PCDHA4: variants seen among roughly 807,000 people sequenced by gnomAD.
PCDHA4 encodes protocadherin alpha-4.
Under a neutral mutation model 61.4 loss-of-function variants are expected in PCDHA4, and 49 were observed. The observed-to-expected ratio is 0.80, with a 90% CI of 0.63 to 1.01. The LOEUF is 1.01. Ranked by LOEUF, PCDHA4 falls within the 50% of genes least tolerant of loss-of-function variation. The pLI, the probability that PCDHA4 is intolerant of heterozygous loss-of-function variation, is 0.00. For synonymous variants in PCDHA4, 590 were observed against 550.3 expected, an observed-to-expected ratio of 1.07 and a Z score of -1.01; for missense variants, 1,254 against 1,235.8, an observed-to-expected ratio of 1.01 and a Z score of -0.22.
intron 1 of PCDHA4, chr5:140,824,297 C>A: frequency 1.1e-6 from 1 of 881,762 alleles, no homozygotes; most frequent in Non-Finnish European, 1.8e-6. Context: ...GGCTTTTCTG[C>A]TGGGGTAATA....
At position 140,878,967 on chromosome 5, in the gene PCDHA4, C is replaced by T. The variant is rs562198206; in HGVS notation, c.2385+69395C>T. On this transcript the variant is annotated intron_variant, in intron 1 of 3. Coordinates refer to ENST00000530339, the MANE Select transcript of PCDHA4 (RefSeq NM_018907.4). ...ATGGTATTGAAATGTATTACCTGGA[C>T]ATTCCCCTCTATCTTAGAAATGAGA... Among the ~76,000 whole-genome samples, 52 of 152,298 alleles carry T rather than the reference C, an allele frequency of 3.4e-4. No individual in the cohort carries two copies. The South Asian group carries it at 0.01, about 30-fold the overall frequency.
At chr5:140,850,001 C>T in intron 1 of PCDHA4, 1 of 1,597,070 alleles carries the variant, frequency 6.3e-7, no homozygotes, top group Non-Finnish European at 8.6e-7. Flanking sequence ...TGGGCGAGCG[C>T]TCGCTGTCGA....
chr5:140,887,221 C>G lies in PCDHA4; in HGVS notation c.2385+77649C>G, dbSNP rs149306651. ...ACGCCATTCTCCTGCCTCAGCCTCCCGAGTAGCTGAGACTACCGGCGCCCG... is the reference window on the plus strand; with the variant it reads ...ACGCCATTCTCCTGCCTCAGCCTCCGGAGTAGCTGAGACTACCGGCGCCCG... On this transcript the variant is annotated intron_variant, in intron 1 of 3. Transcript: ENST00000530339. Among the ~76,000 whole-genome samples, 1,413 of 151,972 alleles carry G rather than the reference C, an allele frequency of 9.3e-3. 17 individuals carry two copies. The highest frequency in any genetic ancestry group is 0.033 in the African/African-American group (1,349 of 41,450).
In PCDHA4 at chr5:140,928,366, C is replaced by T. The variant is rs73793524; in HGVS notation, c.2386-50583C>T. 1.5e-3 allele frequency: 2,439 copies of T among 1,614,110 alleles called. 35 individuals carry two copies. In the African/African-American group the frequency reaches 0.03, roughly 20 times the overall value. ...GCTGTTGGATGTTATCTCTGAAGGG[C>T]CATCAGCCTCTAGCTTGCTGGCAGT... On this transcript the variant is annotated intron_variant, in intron 1 of 3. Coordinates refer to ENST00000530339, the MANE Select transcript of PCDHA4 (RefSeq NM_018907.4).
Position 140,927,380 on chromosome 5 carries a change from T to A in PCDHA4, c.2386-51569T>A, listed in dbSNP as rs1245076146. 1 of 1,614,198 alleles carries A rather than the reference T, an allele frequency of 6.2e-7. No individual in the cohort carries two copies. Among genetic ancestry groups the A allele is most frequent in the African/African-American group, 1.3e-5 (1 of 75,060 alleles). On this transcript the variant is annotated intron_variant, in intron 1 of 3. Transcript: ENST00000530339. ...AGCAATGGGATACTAAGCTACAGCCTAAGCCCCAGTCAGCACTTTCGCCTG... is the reference window on the plus strand; with the variant it reads ...AGCAATGGGATACTAAGCTACAGCCAAAGCCCCAGTCAGCACTTTCGCCTG...
chr5:140,999,822 T>C (rs1389164136), intron 3 of PCDHA4, among the ~76,000 whole-genome samples: 3 of 152,222 alleles, frequency 2.0e-5, no homozygotes, highest in Non-Finnish European at 4.4e-5. Context: ...GAGCTGTGGC[T>C]TTAAAAATAT....
intron 1 of PCDHA4, among the ~76,000 whole-genome samples, chr5:140,845,551 C>A (rs1311867646): frequency 6.7e-6 from 1 of 149,234 alleles, no homozygotes. Context: ...TATGGTGATG[C>A]TTTTAGCTAT....
intron 3 of PCDHA4, among the ~76,000 whole-genome samples, chr5:141,005,530 C>T (rs920110529): frequency 1.3e-5 from 2 of 151,002 alleles, no homozygotes; most frequent in Non-Finnish European, 3.0e-5. Context: ...GGTGAAACCC[C>T]GTCTCTACTA....
At chr5:140,824,024 C>G in intron 1 of PCDHA4, 5 of 1,614,122 alleles carry the variant, frequency 3.1e-6, no homozygotes, top group Non-Finnish European at 4.2e-6. Flanking sequence ...TGGTCGTACT[C>G]GCAGCAGAGG....
intron 1 of PCDHA4, chr5:140,968,040 G>A: frequency 1.2e-6 from 2 of 1,614,162 alleles, no homozygotes; most frequent in African/African-American, 1.3e-5. Context: ...GTGGTGAGCG[G>A]CCCACTGGAC....
intron 1 of PCDHA4, among the ~76,000 whole-genome samples, chr5:140,832,318 G>T (rs1416750803): frequency 1.3e-5 from 2 of 152,116 alleles, no homozygotes; most frequent in Non-Finnish European, 2.9e-5. Context: ...GTTGCTTAAG[G>T]GCCATTAGAG....
chr5:140,959,646 G>A (rs1222418847), intron 1 of PCDHA4, among the ~76,000 whole-genome samples: 5 of 152,010 alleles, frequency 3.3e-5, no homozygotes, highest in Admixed American at 6.6e-5. Context: ...AAACACAGAA[G>A]CAAAATTGAA....
At chr5:140,935,633 C>T (rs1316098876) in intron 1 of PCDHA4, among the ~76,000 whole-genome samples, 4 of 152,046 alleles carry the variant, frequency 2.6e-5, no homozygotes, top group African/African-American at 7.2e-5. Context: ...AAATTTAGGG[C>T]TTGCTTTTTA....
Position 140,882,403 on chromosome 5 carries a change from G to A in PCDHA4, c.2385+72831G>A, listed in dbSNP as rs536389638. ...AGGAAGCAAAACACGGCACCTTCGTGGGCCGCATCGCTCAGGACCTGGGGC... is the reference window on the plus strand; with the variant it reads ...AGGAAGCAAAACACGGCACCTTCGTAGGCCGCATCGCTCAGGACCTGGGGC... On this transcript the variant is annotated intron_variant, in intron 1 of 3. Transcript: ENST00000530339. 1.9e-5 allele frequency: 31 copies of A among 1,614,168 alleles called. No homozygotes were observed. In the South Asian group the frequency reaches 3.3e-4, roughly 17 times the overall value.
Position 140,890,802 on chromosome 5 carries a change from A to G in PCDHA4, c.2385+81230A>G, listed in dbSNP as rs1401387956. On this transcript the variant is annotated intron_variant, in intron 1 of 3. Transcript: ENST00000530339. The stretch of plus-strand genomic sequence containing the variant: ...TAAGATATTAGTATTATTTTATACA[A>G]TCAACATTGTTTTAAATGTACTTAC... 5.3e-5 allele frequency among the ~76,000 whole-genome samples: 8 copies of G among 152,310 alleles called. 1 individual carries two copies. Among genetic ancestry groups the G allele is most frequent in the Admixed American group, 4.6e-4 (7 of 15,296 alleles).
intron 1 of PCDHA4, chr5:140,835,804 T>C (rs1344050034): frequency 6.2e-7 from 1 of 1,612,866 alleles, no homozygotes; most frequent in East Asian, 2.2e-5. Context: ...GGCTGCCACA[T>C]CTTCACTGTG....
At chr5:140,819,676 G>A (rs1766598888) in intron 1 of PCDHA4, among the ~76,000 whole-genome samples, 1 of 152,082 alleles carries the variant, frequency 6.6e-6, no homozygotes, top group Non-Finnish European at 1.5e-5. Flanking sequence ...GTTGATCACT[G>A]TAGCACAAAT....
At position 140,924,046 on chromosome 5, in the gene PCDHA4, C is replaced by T. The variant is rs59270862; in HGVS notation, c.2386-54903C>T. Among the ~76,000 whole-genome samples, 1,259 of 152,276 alleles carry T rather than the reference C, an allele frequency of 8.3e-3. 10 individuals are homozygous for T. The highest frequency in any genetic ancestry group is 0.029 in the African/African-American group (1,206 of 41,556). ...AGGCATGGCTGCAGACCTAAAAGTT[C>T]GGTACATCTTTACAGTTGTATTTCA... is the stretch of plus-strand genomic sequence containing the variant. On this transcript the variant is annotated intron_variant, in intron 1 of 3. Coordinates refer to ENST00000530339, the MANE Select transcript of PCDHA4 (RefSeq NM_018907.4).
rs1012417649 is a variant in PCDHA4 at position 141,010,189 on chromosome 5, T to C, written c.*252T>C. On this transcript the variant is annotated 3_prime_UTR_variant, in exon 4 of 4. Coordinates refer to ENST00000530339, the MANE Select transcript of PCDHA4 (RefSeq NM_018907.4). ...AGAACCTAAAAAGCAGACCCAAGTT[T>C]CCTTTCTCCTCCGCCGCAAAGGAGA... 6 of 1,552,498 alleles carry C rather than the reference T, an allele frequency of 3.9e-6. No individual in the cohort carries two copies. Among genetic ancestry groups the C allele is most frequent in the Middle Eastern group, 1.7e-4 (1 of 5,994 alleles).
Sources: gnomAD v4.1 joint callset for allele counts (sites outside exome capture counted in the v4.1 genomes callset) on GRCh38, gnomAD v4.1.1 for gene constraint, MANE v1.5 for transcripts, NCBI Gene and HGNC (gene_info 2026-07-23, HGNC 2026-07-21) for gene names.